The following AP4E1 variants were observed in gnomAD, a reference collection of about 807,000 sequenced individuals.
The protein encoded by AP4E1 is AP-4 complex subunit epsilon-1.
Under a neutral mutation model 128.2 loss-of-function variants are expected in AP4E1, and 56 were observed. The ratio of observed to expected loss-of-function variants is 0.44; its 90% CI spans 0.35 to 0.55. The LOEUF (loss-of-function observed/expected upper bound fraction) is 0.55, where lower values mean the gene tolerates loss of function less well. Among genes scored for constraint, AP4E1 ranks in the 20% least tolerant of loss-of-function variants. The pLI is 0.00. For missense variants in AP4E1, 1,324 were observed against 1,307.7 expected, an observed-to-expected ratio of 1.01 and a Z score of -0.19; for synonymous variants, 484 against 473.1, an observed-to-expected ratio of 1.02 and a Z score of -0.30.
At chr15:50,985,571 C>T (rs952295190) in intron 16 of AP4E1, among the ~76,000 whole-genome samples, 4 of 152,090 alleles carry the variant, frequency 2.6e-5, no homozygotes, top group Admixed American at 2.6e-4. Context: ...ATAGGGAATC[C>T]TTTCCCCATT....
chr15:50,913,695 T>C (rs147856970), intron 2 of AP4E1, among the ~76,000 whole-genome samples: 1 of 152,234 alleles, frequency 6.6e-6, no homozygotes, highest in Admixed American at 6.5e-5. Flanking sequence ...AAATCTAGGG[T>C]TGAAACTTAA....
At chr15:50,943,092 CA>C (rs1285117706) in intron 10 of AP4E1, among the ~76,000 whole-genome samples, 1 of 152,044 alleles carries the variant, frequency 6.6e-6, no homozygotes, top group Non-Finnish European at 1.5e-5. Context: ...ATTGTTTCAT[CA>C]TTACATCCAT....
At chr15:50,937,032 A>G (rs192838598) in intron 8 of AP4E1, among the ~76,000 whole-genome samples, 37 of 151,828 alleles carry the variant, frequency 2.4e-4, no homozygotes, top group Admixed American at 5.2e-4. Context: ...GAAACCTTAT[A>G]GTTCCTGTTG....
At position 50,997,091 on chromosome 15, in the gene AP4E1, C is replaced by T. The variant is rs147460805; in HGVS notation, c.2347-235C>T. ...TGACTTTTGGACCTTATTTCTTCTT[C>T]GGATTCCATGTGTTTTTTATGAGAA... On this transcript the variant is annotated intron_variant, in intron 17 of 20. Transcript: ENST00000261842. Among the ~76,000 whole-genome samples the T allele has an allele frequency of 2.3e-4, 35 of 152,230 alleles. 1 individual carries two copies. The highest frequency in any genetic ancestry group is 8.2e-4 in the African/African-American group (34 of 41,556).
At chr15:50,959,747 AT>A (rs2064284140) in intron 14 of AP4E1, among the ~76,000 whole-genome samples, 1 of 152,222 alleles carries the variant, frequency 6.6e-6, no homozygotes, top group Non-Finnish European at 1.5e-5. Flanking sequence ...GTATAAAACA[AT>A]CAACAAAATG....
At position 50,950,120 on chromosome 15, in the gene AP4E1, A is replaced by G. The variant is rs1344364385; in HGVS notation, c.1499A>G (p.Asp500Gly). The change falls in exon 13 of 21, where the codon GAT (aspartate) becomes GGT (glycine). Residue 500 changes from aspartate to glycine, a missense_variant. By Grantham distance (94) the Asp-to-Gly change is moderately conservative. Coordinates refer to ENST00000261842, the MANE Select transcript of AP4E1 (RefSeq NM_007347.5). ...GTTCAGTCTTATCTCACTTTACTGG[A>G]TATGGAAAATGTGTTCTATCCACAG... ...YAVQSYLTLL[D>G]MENVFYPQRF... is the part of the protein sequence containing the mutation. The G allele has an allele frequency of 6.2e-7, 1 of 1,613,328 alleles. No individual in the cohort carries two copies. Among genetic ancestry groups the G allele is most frequent in the African/African-American group, 1.3e-5 (1 of 74,920 alleles).
At chr15:50,908,233 T>C (rs892418281), upstream of AP4E1, among the ~76,000 whole-genome samples, 1 of 151,586 alleles carries the variant, frequency 6.6e-6, no homozygotes, top group Non-Finnish European at 1.5e-5. Flanking sequence ...TACTCGGGTG[T>C]CCCAAGAGTC....
At chr15:50,934,321 A>C (rs558975201) in intron 7 of AP4E1, among the ~76,000 whole-genome samples, 1 of 152,208 alleles carries the variant, frequency 6.6e-6, no homozygotes, top group South Asian at 2.1e-4. Flanking sequence ...TATTGAAAGA[A>C]AATTATAAAA....
At chr15:50,995,695 T>G (rs1473766641) in intron 17 of AP4E1, among the ~76,000 whole-genome samples, 4 of 152,062 alleles carry the variant, frequency 2.6e-5, no homozygotes, top group Non-Finnish European at 5.9e-5. Context: ...CTCACCTTCA[T>G]TTTTAAGACA....
At chr15:50,926,287 C>T (rs2063769013) in intron 5 of AP4E1, among the ~76,000 whole-genome samples, 1 of 151,912 alleles carries the variant, frequency 6.6e-6, no homozygotes, top group African/African-American at 2.4e-5. Context: ...CAGGAACACG[C>T]CACCATGCCC....
intron 15 of AP4E1, among the ~76,000 whole-genome samples, chr15:50,968,776 T>G (rs532772543): frequency 2.0e-5 from 3 of 152,082 alleles, no homozygotes; most frequent in African/African-American, 7.2e-5. Context: ...TACAGGTGGG[T>G]GCCACCACAC....
chr15:50,939,054 A>G (rs1270637140), intron 8 of AP4E1, among the ~76,000 whole-genome samples: 2 of 152,254 alleles, frequency 1.3e-5, no homozygotes, highest in South Asian at 2.1e-4. Flanking sequence ...AGTGTCATAA[A>G]TGGTGGAACA....
intron 16 of AP4E1, among the ~76,000 whole-genome samples, chr15:50,993,035 A>T (rs1265063019): frequency 1.3e-5 from 2 of 152,232 alleles, no homozygotes; most frequent in Non-Finnish European, 2.9e-5. Context: ...AATTAAAGGT[A>T]TTTTTGAAAA....
chr15:50,997,227 C>A (rs1046553694), intron 17 of AP4E1, 99 bp from the exon 18 acceptor site: 77 of 1,107,094 alleles, frequency 7.0e-5, no homozygotes, highest in Admixed American at 1.5e-4. Context: ...AGAACCTTAG[C>A]AAATTGTTAT....
At chr15:50,987,564 A>G (rs1181018362) in intron 16 of AP4E1, among the ~76,000 whole-genome samples, 2 of 152,194 alleles carry the variant, frequency 1.3e-5, no homozygotes, top group Non-Finnish European at 2.9e-5. Context: ...TTATGTACCC[A>G]GTAGTCATTC....
chr15:50,958,908 G>A (rs940499142), intron 14 of AP4E1, 114 bp downstream of exon 14: 16 of 1,152,334 alleles, frequency 1.4e-5, no homozygotes, highest in Non-Finnish European at 6.5e-6. Context: ...AGCATTTAAG[G>A]TGAATGTTGG....
intron 2 of AP4E1, among the ~76,000 whole-genome samples, chr15:50,912,381 A>G (rs1315151833): frequency 6.6e-6 from 1 of 152,226 alleles, no homozygotes; most frequent in African/African-American, 2.4e-5. Flanking sequence ...TGATTACATA[A>G]ATGTGGAGAT....
intron 15 of AP4E1, among the ~76,000 whole-genome samples, chr15:50,979,681 T>A (rs1042143581): frequency 2.0e-5 from 3 of 152,096 alleles, no homozygotes; most frequent in African/African-American, 7.2e-5. Flanking sequence ...TCCACCACCA[T>A]GTCTGGCTAA....
chr15:50,915,677 T>C (rs980114622), intron 3 of AP4E1, 106 bp downstream of exon 3: 1 of 1,324,046 alleles, frequency 7.6e-7, no homozygotes, highest in African/African-American at 1.5e-5. Context: ...TAGAATACTG[T>C]ATTATAATTT....
Sources: allele counts gnomAD v4.1 joint callset (sites outside exome capture counted in the v4.1 genomes callset), GRCh38; gene constraint gnomAD v4.1.1; transcripts MANE v1.5; gene names NCBI Gene and HGNC (gene_info 2026-07-23, HGNC 2026-07-21).